Variants in NEDD4L observed in about 807,000 individuals in gnomAD.
NEDD4L encodes NEDD4 like E3 ubiquitin protein ligase, also known as E3 ubiquitin-protein ligase NEDD4-like.
Under a neutral mutation model 148.9 loss-of-function variants are expected in NEDD4L, and 54 were observed. That is an observed-to-expected ratio of 0.36 (90% CI 0.29 to 0.45). The LOEUF (loss-of-function observed/expected upper bound fraction) is 0.45. Ranked by LOEUF, NEDD4L falls within the 20% of genes least tolerant of loss-of-function variation. NEDD4L has a pLI of 1.00. For synonymous variants in NEDD4L, 433 were observed against 440.7 expected (o/e 0.98, Z 0.22); for missense variants, 856 against 1,233.8 (o/e 0.69, Z 4.59).
chr18:58,173,045 T>C (rs1302881517), intron 2 of NEDD4L, among the ~76,000 whole-genome samples: 1 of 152,226 alleles, frequency 6.6e-6, no homozygotes, highest in Non-Finnish European at 1.5e-5. Flanking sequence ...AATAGGTATA[T>C]TTTGCTAAGT....
chr18:58,217,157 AT>A (rs1407236126), intron 2 of NEDD4L, among the ~76,000 whole-genome samples: 1 of 152,230 alleles, frequency 6.6e-6, no homozygotes, highest in African/African-American at 2.4e-5. Flanking sequence ...TAAACCACAC[AT>A]TTGTAAGGCA....
At chr18:58,228,422 A>G (rs2044638401) in intron 2 of NEDD4L, among the ~76,000 whole-genome samples, 1 of 152,200 alleles carries the variant, frequency 6.6e-6, no homozygotes, top group African/African-American at 2.4e-5. Context: ...TAAAAGTCAT[A>G]GTCACTCCAC....
At chr18:58,324,923 G>A in intron 8 of NEDD4L, 73 bp from the exon 9 acceptor site, 2 of 1,373,592 alleles carry the variant, frequency 1.5e-6, no homozygotes, top group African/African-American at 1.4e-5. Context: ...GGCATGCAGG[G>A]CATGCTGTGA....
At chr18:58,105,832 G>T (rs1221434062) in intron 1 of NEDD4L, among the ~76,000 whole-genome samples, 1 of 152,164 alleles carries the variant, frequency 6.6e-6, no homozygotes, top group Non-Finnish European at 1.5e-5. Context: ...GAAAGAATAC[G>T]AAAGCCAGCC....
At position 58,267,566 on chromosome 18, in the gene NEDD4L, C is replaced by T. The variant is rs778094455; in HGVS notation, c.297+15512C>T. ...TTCCCTCCACACCCTTTGATTTCTC[C>T]GAATACCAGGAAAGATCATGGATTG... is the stretch of plus-strand genomic sequence containing the variant. On this transcript the variant is annotated intron_variant, in intron 5 of 30. Coordinates refer to ENST00000400345, the MANE Select transcript of NEDD4L (RefSeq NM_001144967.3). Among the ~76,000 whole-genome samples the T allele has an allele frequency of 1.9e-4, 29 of 151,926 alleles. 1 individual carries two copies. The highest frequency in any genetic ancestry group is 1.5e-4 in the Non-Finnish European group (10 of 67,922).
chr18:58,350,778 C>A (rs189845864), intron 17 of NEDD4L, among the ~76,000 whole-genome samples: 285 of 152,298 alleles, frequency 1.9e-3, no homozygotes, highest in African/African-American at 6.5e-3. Flanking sequence ...ATACAGTCAG[C>A]GCATCTGAGA....
chr18:58,310,150 C>G (rs775936394), intron 5 of NEDD4L, among the ~76,000 whole-genome samples: 1 of 152,216 alleles, frequency 6.6e-6, no homozygotes, highest in African/African-American at 2.4e-5. Context: ...GTACAGCCAG[C>G]AGGGTTGAGT....
chr18:58,145,239 C>G (rs2146210718), intron 1 of NEDD4L, among the ~76,000 whole-genome samples: 1 of 152,200 alleles, frequency 6.6e-6, no homozygotes, highest in East Asian at 1.9e-4. Context: ...TTGTGGGGGT[C>G]CAAGTGCCAA....
chr18:58,105,629 T>C (rs497018), intron 1 of NEDD4L, among the ~76,000 whole-genome samples: 38,325 of 152,032 alleles, frequency 0.25, 5,082 homozygotes, highest in African/African-American at 0.32. Flanking sequence ...TTTTCATTCC[T>C]GTCTCTTATT....
chr18:58,161,205 T>C (rs909335700), intron 1 of NEDD4L, among the ~76,000 whole-genome samples: 3 of 152,052 alleles, frequency 2.0e-5, no homozygotes, highest in African/African-American at 7.2e-5. Flanking sequence ...TAGTTTTATA[T>C]TTTTAGTAGA....
intron 5 of NEDD4L, among the ~76,000 whole-genome samples, chr18:58,315,392 G>A (rs962988084): frequency 4.6e-5 from 7 of 151,910 alleles, no homozygotes; most frequent in Admixed American, 1.3e-4. Context: ...ATGTGGAGAG[G>A]GAGAGGCATG....
intron 5 of NEDD4L, among the ~76,000 whole-genome samples, chr18:58,261,871 T>C (rs1200289340): frequency 6.6e-6 from 1 of 152,212 alleles, no homozygotes; most frequent in Non-Finnish European, 1.5e-5. Context: ...CTCTTAATTA[T>C]ATTAAGCCAT....
intron 2 of NEDD4L, among the ~76,000 whole-genome samples, chr18:58,205,408 A>G (rs1217916187): frequency 2.6e-5 from 4 of 152,258 alleles, no homozygotes; most frequent in Non-Finnish European, 4.4e-5. Context: ...GAAGTTATAT[A>G]TAGAAGAAAT....
intron 1 of NEDD4L, among the ~76,000 whole-genome samples, chr18:58,163,194 C>T (rs1296988360): frequency 1.3e-5 from 2 of 152,326 alleles, no homozygotes; most frequent in Admixed American, 6.5e-5. Context: ...CCTCCTGCTT[C>T]AGCACCTCCC....
intron 2 of NEDD4L, among the ~76,000 whole-genome samples, chr18:58,180,503 C>A (rs1444285882): frequency 2.0e-5 from 3 of 152,200 alleles, no homozygotes; most frequent in South Asian, 2.1e-4. Context: ...TACCCCCTTT[C>A]TGTGCTTGGC....
chr18:58,138,204 A>T (rs2033072261), intron 1 of NEDD4L, among the ~76,000 whole-genome samples: 1 of 152,244 alleles, frequency 6.6e-6, no homozygotes, highest in Admixed American at 6.5e-5. Flanking sequence ...CATTAAATAA[A>T]TAGGATTCAC....
At chr18:58,060,753 G>T (rs2082295856) in intron 1 of NEDD4L, among the ~76,000 whole-genome samples, 1 of 152,040 alleles carries the variant, frequency 6.6e-6, no homozygotes, top group Non-Finnish European at 1.5e-5. Flanking sequence ...GGGACATTTG[G>T]CAATGCCTGG....
At chr18:58,286,366 A>AAT in intron 5 of NEDD4L, among the ~76,000 whole-genome samples, 1 of 152,300 alleles carries the variant, frequency 6.6e-6, no homozygotes, top group East Asian at 1.9e-4. Flanking sequence ...CATTGGAAAA[A>AAT]ATTTGTTGTC....
intron 24 of NEDD4L, among the ~76,000 whole-genome samples, chr18:58,381,272 C>T (rs1467502668): frequency 6.6e-6 from 1 of 152,222 alleles, no homozygotes; most frequent in Non-Finnish European, 1.5e-5. Context: ...AACCAGTTCT[C>T]TGCACTCAGC....
Sources: gnomAD v4.1 joint callset for allele counts (sites outside exome capture counted in the v4.1 genomes callset) on GRCh38, gnomAD v4.1.1 for gene constraint, MANE v1.5 for transcripts, NCBI Gene and HGNC (gene_info 2026-07-23, HGNC 2026-07-21) for gene names.